Variants in MTO1 observed in about 807,000 individuals in gnomAD.
MTO1 encodes 5-taurinomethyluridine-[tRNA] synthase subunit MTO1, mitochondrial.
Under a neutral mutation model 71.6 loss-of-function variants are expected in MTO1, and 46 were observed. The ratio of observed to expected loss-of-function variants is 0.64; its 90% CI spans 0.51 to 0.82. The LOEUF is 0.82. Among genes scored for constraint, MTO1 ranks in the 40% least tolerant of loss-of-function variants. The pLI is 0.00. For missense variants in MTO1, 773 were observed against 867.5 expected, an observed-to-expected ratio of 0.89 and a Z score of 1.37; for synonymous variants, 297 against 312.1, an observed-to-expected ratio of 0.95 and a Z score of 0.51.
chr6:73,493,641 T>C (rs145973817), intron 10 of MTO1, among the ~76,000 whole-genome samples: 29,071 of 151,574 alleles, frequency 0.19, 2,854 homozygotes, highest in Middle Eastern at 0.23. Flanking sequence ...TCCGCCCGCC[T>C]TGGCCTCCCA....
Position 73,506,367 on chromosome 6 carries a change from CAT to C in MTO1, c.*5633_*5634del, listed in dbSNP as rs1211199371. 1 of 152,216 alleles carries C rather than the reference CAT, an allele frequency of 6.6e-6. No individual in the cohort carries two copies. Among genetic ancestry groups the C allele is most frequent in the Non-Finnish European group, 1.5e-5 (1 of 68,100 alleles). The allele number at this position is 152,216 out of a possible 1,614,324, so 9.4% of individuals were successfully genotyped here. A position where few individuals can be genotyped will look rare whatever the true frequency, so the allele number is the denominator to read the frequency against. ...TGAACTGTATCTCTCAGAATTCCCACATGTTGTGGGAGGGACCCACAGGGAGG... is the reference window on the plus strand; with the variant it reads ...TGAACTGTATCTCTCAGAATTCCCACGTTGTGGGAGGGACCCACAGGGAGG... On this transcript the variant is annotated 3_prime_UTR_variant, in exon 12 of 12. Transcript: ENST00000498286.
chr6:73,500,686 C>T lies in MTO1; in HGVS notation c.2030C>T (p.Thr677Ile). 1.2e-6 allele frequency: 2 copies of T among 1,612,064 alleles called. No individual in the cohort carries two copies. Among genetic ancestry groups the T allele is most frequent in the Middle Eastern group, 1.7e-4 (1 of 6,060 alleles). The stretch of plus-strand genomic sequence containing the variant: ...TCGGCTATGAATGAATCATCCAAGA[C>T]TGATCAATACTTATGTGATGCAGAC... Reference protein sequence around the residue: ...RQSAMNESSKTDQYLCDADRL... With the variant: ...RQSAMNESSKIDQYLCDADRL... The change falls in exon 12 of 12, where the codon ACT becomes ATT. Residue 677 changes from threonine to isoleucine, a missense_variant. Thr to Ile is a moderately conservative substitution (Grantham distance 89). Coordinates refer to ENST00000498286, the MANE Select transcript of MTO1 (RefSeq NM_012123.4).
At chr6:73,490,003 T>C (rs927166621) in intron 9 of MTO1, among the ~76,000 whole-genome samples, 1 of 152,214 alleles carries the variant, frequency 6.6e-6, no homozygotes, top group Non-Finnish European at 1.5e-5. Flanking sequence ...AGATGGTATC[T>C]CATTGTGGTT....
At chr6:73,496,095 A>G (rs889861654) in intron 10 of MTO1, among the ~76,000 whole-genome samples, 45 of 152,162 alleles carry the variant, frequency 3.0e-4, no homozygotes, top group African/African-American at 1.0e-3. Context: ...TGCAATTTCT[A>G]GAAAAAGAAG....
intron 9 of MTO1, among the ~76,000 whole-genome samples, chr6:73,490,099 G>A (rs1771764877): frequency 6.6e-6 from 1 of 152,182 alleles, no homozygotes; most frequent in Non-Finnish European, 1.5e-5. Context: ...TTTGAGAAGT[G>A]TGTGTTCATA....
At chr6:73,468,013 G>T (rs1771049460) in intron 3 of MTO1, among the ~76,000 whole-genome samples, 1 of 151,784 alleles carries the variant, frequency 6.6e-6, no homozygotes, top group Non-Finnish European at 1.5e-5. Context: ...TAGAGATGGG[G>T]TTTCACCACG....
chr6:73,468,765 G>A (rs1208978880), intron 3 of MTO1, among the ~76,000 whole-genome samples: 3 of 151,344 alleles, frequency 2.0e-5, no homozygotes, highest in Non-Finnish European at 4.4e-5. Context: ...CAGCAACCAC[G>A]CCCAGCTAAT....
At chr6:73,482,910 G>GC (rs911433403) in intron 9 of MTO1, among the ~76,000 whole-genome samples, 8 of 146,012 alleles carry the variant, frequency 5.5e-5, no homozygotes, top group African/African-American at 7.6e-5. Flanking sequence ...TCCTGCCTCA[G>GC]CCCCCCGAGT....
chr6:73,482,484 T>C lies in MTO1; in HGVS notation c.1501T>C (p.Tyr501His), dbSNP rs143378575. The change falls in exon 9 of 12, where the codon TAT (tyrosine) becomes CAT (histidine). Residue 501 changes from tyrosine to histidine, a missense_variant. Coordinates refer to ENST00000498286, the MANE Select transcript of MTO1 (RefSeq NM_012123.4). ...CGCTGGCTGTGTGTCCCAACAACGA[T>C]ATGAAAGAGCTTGTTGGATGAAGTC... is the stretch of plus-strand genomic sequence containing the variant. ...KDAGCVSQQR[Y>H]ERACWMKSSL... 1.7e-5 allele frequency: 28 copies of C among 1,613,426 alleles called. No individual in the cohort carries two copies. The African/African-American group carries it at 3.3e-4, about 19-fold the overall frequency.
intron 10 of MTO1, among the ~76,000 whole-genome samples, chr6:73,494,294 G>A (rs534120091): frequency 6.6e-6 from 1 of 152,188 alleles, no homozygotes; most frequent in East Asian, 1.9e-4. Context: ...TTGATAGAAG[G>A]TGTTTTTTCA....
Position 73,461,993 on chromosome 6 carries a change from G to A in MTO1, c.139G>A (p.Ala47Thr), listed in dbSNP as rs1049905319. Residue 47 changes from alanine to threonine, a missense_variant, in exon 1 of 12, where the codon GCC becomes ACC. Transcript: ENST00000498286. ...FDVIVIGGGH[A>T]GTEAATAAAR... is the part of the protein sequence containing the mutation. ...CGTGATAGTCATTGGTGGAGGACAT[G>A]CCGGGACTGAGGCAGCCACCGCCGC... 1.2e-6 allele frequency: 2 copies of A among 1,613,986 alleles called. No homozygotes were observed. The highest frequency in any genetic ancestry group is 1.7e-6 in the Non-Finnish European group (2 of 1,180,022).
intron 10 of MTO1, chr6:73,492,892 T>C (rs1175145477): frequency 6.6e-6 from 1 of 151,574 alleles, no homozygotes; most frequent in African/African-American, 2.4e-5. Flanking sequence ...TAAACATGCT[T>C]TTCAGGTGAT....
At chr6:73,471,515 A>G (rs867891142) in intron 3 of MTO1, 1 of 441,854 alleles carries the variant, frequency 2.3e-6, no homozygotes, top group African/African-American at 2.0e-5. Flanking sequence ...CCTGGACCCA[A>G]GTGATCTTCC....
In MTO1 at chr6:73,473,669, G is replaced by A. The variant is rs764754602; in HGVS notation, c.825+15G>A. 27 of 1,569,830 alleles carry A rather than the reference G, an allele frequency of 1.7e-5. 1 individual carries two copies. In the South Asian group the frequency reaches 2.3e-4, roughly 13 times the overall value. ...TATGGATTAAGGTAAGATACTTTAC[G>A]AAAACCTGGCTTACAGCTGGTATTG... On this transcript the variant is annotated intron_variant, in intron 4 of 11. Transcript: ENST00000498286.
chr6:73,475,662 G>T (rs183173787), intron 4 of MTO1, among the ~76,000 whole-genome samples: 3 of 152,168 alleles, frequency 2.0e-5, no homozygotes, highest in Non-Finnish European at 4.4e-5. Flanking sequence ...TTACAGGCAT[G>T]TGCCACCACA....
rs1399704218 is a variant in MTO1, at chr6:73,503,111, ACTTC to A, written c.*2377_*2380del. 2 of 151,968 alleles carry A rather than the reference ACTTC, an allele frequency of 1.3e-5. No individual in the cohort carries two copies. Among genetic ancestry groups the A allele is most frequent in the South Asian group, 2.1e-4 (1 of 4,812 alleles). The allele number at this position is 151,968 out of a possible 1,614,324, so 9.4% of individuals were successfully genotyped here. ...TTCTATGATTTGCTTTAGGATGTGA[ACTTC>A]TTTATTTTTTAGAGACAGGGTCTCA... On this transcript the variant is annotated 3_prime_UTR_variant, in exon 12 of 12. Coordinates refer to ENST00000498286, the MANE Select transcript of MTO1 (RefSeq NM_012123.4).
Position 73,508,182 on chromosome 6 carries a change from G to C in MTO1, c.*7447G>C, listed in dbSNP as rs1772338724. 2 of 152,146 alleles carry C rather than the reference G, an allele frequency of 1.3e-5. No individual in the cohort carries two copies. Among genetic ancestry groups the C allele is most frequent in the African/African-American group, 2.4e-5 (1 of 41,440 alleles). The allele number at this position is 152,146 out of a possible 1,614,324, so 9.4% of individuals were successfully genotyped here. ...TTTGGAGGCTGTAGGGGAATTCAGA[G>C]TGTGAATTTCACTTGAACAGCACCC... On this transcript the variant is annotated 3_prime_UTR_variant, in exon 12 of 12. Coordinates refer to ENST00000498286, the MANE Select transcript of MTO1 (RefSeq NM_012123.4).
At chr6:73,472,728 C>T (rs532307953) in intron 3 of MTO1, among the ~76,000 whole-genome samples, 4 of 152,022 alleles carry the variant, frequency 2.6e-5, no homozygotes, top group South Asian at 2.1e-4. Context: ...CCACACAAAA[C>T]GTGTAACTAT....
chr6:73,487,312 C>T (rs1771681035), intron 9 of MTO1, among the ~76,000 whole-genome samples: 1 of 150,982 alleles, frequency 6.6e-6, no homozygotes, highest in Non-Finnish European at 1.5e-5. Context: ...GTGCCTCAGC[C>T]TCCCAAGTAG....
Sources: gnomAD v4.1 joint callset for allele counts (sites outside exome capture counted in the v4.1 genomes callset) on GRCh38, gnomAD v4.1.1 for gene constraint, MANE v1.5 for transcripts, NCBI Gene and HGNC (gene_info 2026-07-23, HGNC 2026-07-21) for gene names.